The following TOM1 variants were observed in gnomAD, a reference collection of about 807,000 sequenced individuals.
TOM1 encodes target of myb1 membrane trafficking protein.
In TOM1, 38 loss-of-function variants were observed where a neutral mutation model predicts 61.3. That is an observed-to-expected ratio of 0.62 (90% confidence interval 0.48 to 0.81). The LOEUF (loss-of-function observed/expected upper bound fraction) is 0.81. Among genes scored for constraint, TOM1 ranks in the 40% least tolerant of loss-of-function variants. The probability of loss-of-function intolerance (pLI) is 0.00; values close to 1 mark genes in which losing one functional copy is unlikely to be tolerated. For missense variants in TOM1, 591 were observed against 659.6 expected (o/e 0.90, Z 1.14); for synonymous variants, 270 against 268.8 (o/e 1.00, Z -0.04).
At chr22:35,301,938 TA>T (rs1288085048) in intron 1 of TOM1, among the ~76,000 whole-genome samples, 1 of 152,190 alleles carries the variant, frequency 6.6e-6, no homozygotes, top group Non-Finnish European at 1.5e-5. Flanking sequence ...GTTTAAGACT[TA>T]CTACTTAAAA....
rs755636415 is a variant in TOM1, at chr22:35,327,261, T to C, written c.649-10T>C. 1 of 1,611,962 alleles carries C rather than the reference T, an allele frequency of 6.2e-7. No homozygotes were observed. The highest frequency in any genetic ancestry group is 8.5e-7 in the Non-Finnish European group (1 of 1,178,268). Reference sequence around the variant, plus strand: ...TGGCTTCTCTCACCACGATCAACTGTGTGTTTCAGATTGGGAAGCTGCGCA... The same window carrying C: ...TGGCTTCTCTCACCACGATCAACTGCGTGTTTCAGATTGGGAAGCTGCGCA... On this transcript the variant is annotated splice_polypyrimidine_tract_variant and intron_variant, in intron 6 of 14. Transcript: ENST00000449058.
intron 1 of TOM1, among the ~76,000 whole-genome samples, chr22:35,315,025 A>C (rs1046304062): frequency 1.3e-5 from 2 of 152,242 alleles, no homozygotes; most frequent in Non-Finnish European, 2.9e-5. Flanking sequence ...CATGCAGGCC[A>C]GGTCGAAGAC....
intron 1 of TOM1, among the ~76,000 whole-genome samples, chr22:35,301,938 T>TA (rs1368241484): frequency 6.6e-6 from 1 of 152,190 alleles, no homozygotes; most frequent in Non-Finnish European, 1.5e-5. Context: ...GTTTAAGACT[T>TA]ACTACTTAAA....
rs777404484 is a variant in TOM1 at position 35,345,758 on chromosome 22, A to G, written c.1258A>G (p.Ile420Val). The G allele has an allele frequency of 9.3e-6, 15 of 1,614,042 alleles. No homozygotes were observed. Among genetic ancestry groups the G allele is most frequent in the Non-Finnish European group, 1.1e-5 (13 of 1,180,026 alleles). ...PVTQACLMED[I>V]EQWLSTDVGN... Reference sequence around the variant, plus strand: ...CACCCAGGCCTGCCTCATGGAGGACATCGAGCAGTGGCTGTCCACTGACGT... The same window carrying G: ...CACCCAGGCCTGCCTCATGGAGGACGTCGAGCAGTGGCTGTCCACTGACGT... Residue 420 changes from isoleucine (I) to valine (V), a missense_variant, in exon 13 of 15, where the codon ATC becomes GTC. Transcript: ENST00000449058.
chr22:35,304,518 G>T (rs1346054588), intron 1 of TOM1, among the ~76,000 whole-genome samples: 2 of 151,958 alleles, frequency 1.3e-5, no homozygotes, highest in Non-Finnish European at 2.9e-5. Flanking sequence ...TCACTCTGTC[G>T]CCCAGGCGGG....
At chr22:35,327,163 G>A (rs1044055314) in intron 6 of TOM1, 108 bp from the exon 7 acceptor site, 19 of 1,054,688 alleles carry the variant, frequency 1.8e-5, no homozygotes, top group African/African-American at 1.2e-4. Flanking sequence ...CTGGGAGGTC[G>A]GCTCCCTGGT....
chr22:35,305,228 A>G (rs1274650665), intron 1 of TOM1, among the ~76,000 whole-genome samples: 1 of 152,192 alleles, frequency 6.6e-6, no homozygotes, highest in African/African-American at 2.4e-5. Flanking sequence ...TAACTATGTC[A>G]CGGTCCCTCT....
intron 1 of TOM1, among the ~76,000 whole-genome samples, chr22:35,302,953 C>T (rs568847258): frequency 2.0e-5 from 3 of 152,240 alleles, no homozygotes; most frequent in Admixed American, 2.0e-4. Context: ...TAAACCAGGC[C>T]CCTCCTTGCT....
chr22:35,334,591 C>T, intron 11 of TOM1, 143 bp downstream of exon 11: 2 of 1,003,372 alleles, frequency 2.0e-6, no homozygotes, highest in Non-Finnish European at 3.0e-6. Flanking sequence ...CTAAGTCAGT[C>T]CAGCATGGCC....
chr22:35,312,849 C>T (rs2145627158), intron 1 of TOM1, among the ~76,000 whole-genome samples: 1 of 152,302 alleles, frequency 6.6e-6, no homozygotes, highest in Admixed American at 6.5e-5. Flanking sequence ...GATCCTCAGG[C>T]AGTGAGGGTG....
intron 1 of TOM1, among the ~76,000 whole-genome samples, chr22:35,304,118 A>G (rs1299327365): frequency 1.3e-5 from 2 of 152,178 alleles, no homozygotes; most frequent in Admixed American, 6.5e-5. Context: ...TCTAAGAGAA[A>G]GCATCGCTTT....
intron 1 of TOM1, among the ~76,000 whole-genome samples, chr22:35,305,619 C>T (rs993450929): frequency 6.6e-6 from 1 of 150,870 alleles, no homozygotes; most frequent in Non-Finnish European, 1.5e-5. Context: ...AAGATCACGC[C>T]GCTGCACTCT....
intron 12 of TOM1, among the ~76,000 whole-genome samples, chr22:35,342,354 G>A (rs150099498): frequency 1.4e-3 from 206 of 152,160 alleles, no homozygotes; most frequent in Non-Finnish European, 1.7e-3. Context: ...CAGGCACAGG[G>A]TGACGGGCTG....
intron 13 of TOM1, 68 bp from the exon 14 acceptor site, chr22:35,346,862 C>T (rs988312553): frequency 5.4e-6 from 8 of 1,479,930 alleles, no homozygotes; most frequent in Non-Finnish European, 7.5e-6. Flanking sequence ...AGCTGCAGCA[C>T]CACTGCCCCA....
chr22:35,344,014 C>A (rs535558246), intron 12 of TOM1, among the ~76,000 whole-genome samples: 1 of 149,852 alleles, frequency 6.7e-6, no homozygotes, highest in African/African-American at 2.5e-5. Flanking sequence ...TACACCTACA[C>A]ACACACCTAC....
At chr22:35,322,279 G>A (rs1927862204) in intron 3 of TOM1, 1 of 475,528 alleles carries the variant, frequency 2.1e-6, no homozygotes, top group African/African-American at 2.0e-5. Context: ...CAGAACCACT[G>A]GCAGGGAGAG....
intron 8 of TOM1, among the ~76,000 whole-genome samples, chr22:35,332,585 AACAC>A (rs751364020): frequency 2.3e-5 from 2 of 88,068 alleles, no homozygotes; most frequent in African/African-American, 9.9e-5. Flanking sequence ...AGAGAGCACT[AACAC>A]ACACACACAC....
rs16995584 is a variant in TOM1, at chr22:35,325,857, A to T, written c.649-1414A>T. Among the ~76,000 whole-genome samples, 2,936 of 152,280 alleles carry T rather than the reference A, an allele frequency of 0.019. 263 individuals are homozygous for T. In the East Asian group the frequency reaches 0.3, roughly 15 times the overall value. On this transcript the variant is annotated intron_variant, in intron 6 of 14. Transcript: ENST00000449058. The stretch of plus-strand genomic sequence containing the variant: ...GTCTCTTGGGACATGTTAAGACATC[A>T]GGTGTGCAGTGATGTTACTCCCAGA...
At chr22:35,301,065 A>AG (rs1925728835) in intron 1 of TOM1, among the ~76,000 whole-genome samples, 1 of 124,486 alleles carries the variant, frequency 8.0e-6, no homozygotes, top group South Asian at 2.8e-4. Context: ...AAAAAAAAAA[A>AG]AAAATACAGA....
Sources: allele counts gnomAD v4.1 joint callset (sites outside exome capture counted in the v4.1 genomes callset), GRCh38; gene constraint gnomAD v4.1.1; transcripts MANE v1.5; gene names NCBI Gene and HGNC (gene_info 2026-07-23, HGNC 2026-07-21).